Variants in TENM1 observed in about 807,000 individuals in gnomAD.
TENM1 encodes teneurin-1.
Under a neutral mutation model 174.8 loss-of-function variants are expected in TENM1, and 35 were observed. The observed-to-expected ratio is 0.20, with a 90% CI of 0.15 to 0.27. The LOEUF is 0.27. TENM1 is among the 10% of genes least tolerant of loss of function. The pLI, the probability that TENM1 is intolerant of heterozygous loss-of-function variation, is 1.00. For missense variants in TENM1, 1,633 were observed against 2,130.1 expected (o/e 0.77, Z 4.59); for synonymous variants, 781 against 798.7 (o/e 0.98, Z 0.37).
At chrX:124,637,724 C>T (rs1376547203) in intron 11 of TENM1, among the ~76,000 whole-genome samples, 1 of 111,837 alleles carries the variant, frequency 8.9e-6, no homozygotes, top group Non-Finnish European at 1.9e-5. Flanking sequence ...ACTCTTTGCA[C>T]ATTGTATCTC....
At chrX:124,745,355 T>C (rs967928240) in intron 3 of TENM1, among the ~76,000 whole-genome samples, 12 of 111,597 alleles carry the variant, frequency 1.1e-4, no homozygotes, top group Non-Finnish European at 2.3e-4. Context: ...TATAGCAGTA[T>C]TCACAAGAGC....
chrX:124,685,561 G>GT lies in TENM1; in HGVS notation c.1016-13727dup, dbSNP rs201481902. ...GCTTATGGTCTCTTCAAGCAAATCT[G>GT]TTTTTTTTTTTTTTTGAGATGGAGT... On this transcript the variant is annotated intron_variant, in intron 5 of 31. Coordinates refer to ENST00000422452, the Ensembl canonical transcript of TENM1. Among the ~76,000 whole-genome samples, 324 of 94,416 alleles carry GT rather than the reference G, an allele frequency of 3.4e-3. 2 individuals carry two copies. The highest frequency in any genetic ancestry group is 6.4e-3 in the South Asian group (13 of 2,016). The allele number at this position is 94,416 out of a possible 115,157, so 82.0% of individuals were successfully genotyped here.
chrX:125,032,523 T>C, the TENM1 span, among the ~76,000 whole-genome samples: 1 of 111,125 alleles, frequency 9.0e-6, no homozygotes, highest in Non-Finnish European at 1.9e-5. Flanking sequence ...CATGATGTTA[T>C]AACCTTATAC....
the TENM1 span, among the ~76,000 whole-genome samples, chrX:125,200,163 A>G: frequency 6.5e-4 from 73 of 111,955 alleles, 1 homozygote; most frequent in African/African-American, 2.1e-3. Flanking sequence ...AAAAAAATCA[A>G]TGGAAAACAG....
intron 22 of TENM1, among the ~76,000 whole-genome samples, chrX:124,461,458 T>C (rs1376880042): frequency 1.8e-5 from 2 of 112,040 alleles, no homozygotes; most frequent in Non-Finnish European, 3.8e-5. Flanking sequence ...CCCGTGTTTA[T>C]TGCAGCACTA....
chrX:124,517,775 G>C (rs1040708048), intron 18 of TENM1, among the ~76,000 whole-genome samples: 9 of 108,737 alleles, frequency 8.3e-5, no homozygotes, highest in South Asian at 4.1e-4. Flanking sequence ...AACAAACCTG[G>C]ACGTTGTGCA....
intron 6 of TENM1, among the ~76,000 whole-genome samples, chrX:124,660,014 C>T (rs2051551940): frequency 8.9e-6 from 1 of 111,785 alleles, no homozygotes; most frequent in Admixed American, 9.5e-5. Context: ...AGGGCTAAAG[C>T]TGTACAATTC....
At position 124,505,773 on chromosome X, in the gene TENM1, T is replaced by C. The variant is rs758025348; in HGVS notation, c.3302-2070A>G. Among the ~76,000 whole-genome samples the C allele has an allele frequency of 1.1e-3, 128 of 111,752 alleles. 2 individuals carry two copies. Among genetic ancestry groups the C allele is most frequent in the Non-Finnish European group, 1.8e-3 (96 of 53,178 alleles). On this transcript the variant is annotated intron_variant, in intron 18 of 31. Coordinates refer to ENST00000422452, the Ensembl canonical transcript of TENM1. ...GCATATGCGTACAAAATTTTCTATA[T>C]AACTCTAGGGAGTTCACTGACTTTC...
At chrX:125,179,157 AT>A in the TENM1 span, among the ~76,000 whole-genome samples, 1 of 111,874 alleles carries the variant, frequency 8.9e-6, no homozygotes, top group African/African-American at 3.2e-5. Flanking sequence ...CTCAACAGGT[AT>A]AAAATGGAAT....
At chrX:124,498,471 G>T (rs2047252035) in intron 19 of TENM1, among the ~76,000 whole-genome samples, 1 of 110,227 alleles carries the variant, frequency 9.1e-6, no homozygotes, top group Non-Finnish European at 1.9e-5. Flanking sequence ...TCATGATTTG[G>T]CCCTTGACTA....
intron 6 of TENM1, 146 bp from the exon 10 acceptor site, chrX:124,653,929 C>A (rs766594434): frequency 5.3e-5 from 26 of 494,475 alleles, no homozygotes; most frequent in Non-Finnish European, 8.6e-5. Context: ...AAGGCCTTGC[C>A]CAAATTAAAT....
chrX:124,736,035 A>G (rs1349062347), intron 4 of TENM1, among the ~76,000 whole-genome samples: 1 of 111,636 alleles, frequency 9.0e-6, no homozygotes, highest in Non-Finnish European at 1.9e-5. Context: ...ACCACTGCAC[A>G]ATATATCCAT....
At chrX:124,737,433 A>G (rs747732129) in intron 3 of TENM1, among the ~76,000 whole-genome samples, 85 of 111,978 alleles carry the variant, frequency 7.6e-4, no homozygotes, top group Middle Eastern at 9.3e-3. Flanking sequence ...CTTTAGGGCT[A>G]TAGCAGCTAA....
intron 18 of TENM1, among the ~76,000 whole-genome samples, chrX:124,512,539 A>G (rs1244015980): frequency 2.7e-5 from 3 of 111,110 alleles, no homozygotes; most frequent in Non-Finnish European, 5.7e-5. Context: ...CTTCCACTTG[A>G]TCAATATTGT....
At chrX:125,023,618 TA>T in the TENM1 span, among the ~76,000 whole-genome samples, 1,642 of 100,868 alleles carry the variant, frequency 0.016, 30 homozygotes, top group African/African-American at 0.051. Flanking sequence ...AGAAGAATCT[TA>T]AAAAAAAAAA....
the TENM1 span, among the ~76,000 whole-genome samples, chrX:125,048,243 ATT>A: frequency 0.057 from 3,635 of 64,022 alleles, 141 homozygotes; most frequent in African/African-American, 0.21. Context: ...GTTTCGAAGC[ATT>A]TTTTTTTTTT....
intron 3 of TENM1, among the ~76,000 whole-genome samples, chrX:124,766,172 T>C (rs1257869884): frequency 9.0e-6 from 1 of 111,674 alleles, no homozygotes; most frequent in African/African-American, 3.2e-5. Context: ...CTGACTTTAC[T>C]AAGGCCATAG....
the TENM1 span, among the ~76,000 whole-genome samples, chrX:125,096,871 G>A: frequency 3.0e-5 from 3 of 101,624 alleles, no homozygotes; most frequent in African/African-American, 1.1e-4. Context: ...ACTAGTAGCA[G>A]AGTAATGATT....
intron 23 of TENM1, among the ~76,000 whole-genome samples, chrX:124,444,654 A>T (rs890670193): frequency 8.2e-5 from 9 of 109,287 alleles, no homozygotes; most frequent in Non-Finnish European, 1.7e-4. Flanking sequence ...TTTTTTTTTT[A>T]AACAATCAAT....
Sources: gnomAD v4.1 joint callset for allele counts (sites outside exome capture counted in the v4.1 genomes callset) on GRCh38, gnomAD v4.1.1 for gene constraint, MANE v1.5 for transcripts, NCBI Gene and HGNC (gene_info 2026-07-23, HGNC 2026-07-21) for gene names.